The following DOCK3 variants were observed in gnomAD, a reference collection of about 807,000 sequenced individuals.
DOCK3 encodes the protein dedicator of cytokinesis 3, also known as dedicator of cytokinesis protein 3.
A neutral mutation model predicts 265.6 loss-of-function variants in DOCK3; 60 were observed. That is an observed-to-expected ratio of 0.23 (90% confidence interval 0.18 to 0.28). DOCK3 has a LOEUF of 0.28. DOCK3 is among the 10% of genes least tolerant of loss of function. The pLI is 1.00. For missense variants in DOCK3, 1,981 were observed against 2,594.3 expected (o/e 0.76, Z 5.14); for synonymous variants, 881 against 938.0 (o/e 0.94, Z 1.11).
At chr3:50,723,666 C>G (rs1233355475) in intron 1 of DOCK3, among the ~76,000 whole-genome samples, 2 of 152,174 alleles carry the variant, frequency 1.3e-5, no homozygotes, top group African/African-American at 4.8e-5. Context: ...GAAACTGGAT[C>G]CCTTCCTTAC....
intron 10 of DOCK3, among the ~76,000 whole-genome samples, chr3:51,146,971 G>A (rs2085327656): frequency 6.6e-6 from 1 of 152,084 alleles, no homozygotes; most frequent in Admixed American, 6.6e-5. Context: ...AAAATTAGCT[G>A]GGCATGTGGC....
Position 51,376,321 on chromosome 3 carries a change from G to A in DOCK3, c.5500+486G>A, listed in dbSNP as rs553471121. ...CAGGCTTCTCCAAGTGAAGCCCAGG[G>A]TGCCCCAAAGGAGTCCGGTCCTTCT... On this transcript the variant is annotated intron_variant, in intron 51 of 52. Transcript: ENST00000266037. Among the ~76,000 whole-genome samples, 17 of 152,226 alleles carry A rather than the reference G, an allele frequency of 1.1e-4. No individual in the cohort carries two copies. The South Asian group carries it at 2.5e-3, about 22-fold the overall frequency.
At chr3:51,171,872 A>G (rs2086698453) in intron 12 of DOCK3, among the ~76,000 whole-genome samples, 1 of 152,034 alleles carries the variant, frequency 6.6e-6, no homozygotes, top group African/African-American at 2.4e-5. Flanking sequence ...CAAGTCTGCT[A>G]TTTCATTATT....
In DOCK3 at chr3:50,690,892, C is replaced by T. The variant is rs545824562; in HGVS notation, c.37+15592C>T. Reference sequence around the variant, plus strand: ...TCCTGACTTCGTGATCCACCCACCTCGGCTTCCCAAAGTGCTGGGATTACA... The same window carrying T: ...TCCTGACTTCGTGATCCACCCACCTTGGCTTCCCAAAGTGCTGGGATTACA... On this transcript the variant is annotated intron_variant, in intron 1 of 52. Transcript: ENST00000266037. Among the ~76,000 whole-genome samples the T allele has an allele frequency of 2.8e-3, 420 of 151,978 alleles. 3 individuals carry two copies. The highest frequency in any genetic ancestry group is 4.8e-3 in the Non-Finnish European group (324 of 67,954).
intron 3 of DOCK3, among the ~76,000 whole-genome samples, chr3:50,868,111 G>C (rs2047232268): frequency 6.7e-6 from 1 of 149,368 alleles, no homozygotes; most frequent in South Asian, 2.1e-4. Flanking sequence ...GTCTCACTCT[G>C]TCGCCAGACT....
intron 5 of DOCK3, among the ~76,000 whole-genome samples, chr3:51,047,477 A>G (rs2109083379): frequency 6.6e-6 from 1 of 151,964 alleles, no homozygotes; most frequent in East Asian, 1.9e-4. Context: ...AAAATCAAAA[A>G]GATGGTTTTT....
rs559084122 is a variant in DOCK3, at chr3:51,375,516, T to C, written c.5413-232T>C. On this transcript the variant is annotated intron_variant, in intron 50 of 52. Transcript: ENST00000266037. The stretch of plus-strand genomic sequence containing the variant: ...AGACAGCTGGGTCCTAGCCAGATAC[T>C]GGAGGATGGTATTGCAAATATTGTG... Among the ~76,000 whole-genome samples the C allele has an allele frequency of 7.2e-5, 11 of 152,280 alleles. No individual in the cohort carries two copies. In the South Asian group the frequency reaches 2.3e-3, roughly 32 times the overall value.
intron 5 of DOCK3, among the ~76,000 whole-genome samples, chr3:51,061,702 T>TA (rs1392718370): frequency 2.0e-5 from 3 of 151,702 alleles, no homozygotes; most frequent in Non-Finnish European, 4.4e-5. Context: ...CCCTAAAACT[T>TA]AAAGTATAAT....
chr3:51,145,040 TC>T (rs959340352), intron 9 of DOCK3, among the ~76,000 whole-genome samples: 1 of 152,186 alleles, frequency 6.6e-6, no homozygotes, highest in African/African-American at 2.4e-5. Flanking sequence ...AAACACTGTT[TC>T]TAAGGTTTTC....
intron 4 of DOCK3, among the ~76,000 whole-genome samples, chr3:50,914,241 TG>T (rs2050005675): frequency 6.6e-6 from 1 of 152,022 alleles, no homozygotes; most frequent in Admixed American, 6.6e-5. Flanking sequence ...AGGTTTGGTT[TG>T]TTCTTGCTCA....
At chr3:51,221,861 T>G (rs935541011) in intron 14 of DOCK3, among the ~76,000 whole-genome samples, 6 of 152,176 alleles carry the variant, frequency 3.9e-5, no homozygotes, top group African/African-American at 1.4e-4. Context: ...CTCCTACTTC[T>G]TGTAGAAAAG....
intron 3 of DOCK3, among the ~76,000 whole-genome samples, chr3:50,848,480 A>G (rs570129157): frequency 6.6e-6 from 1 of 152,282 alleles, no homozygotes; most frequent in Admixed American, 6.5e-5. Context: ...GTAAGCCTGG[A>G]CTAGTGGTAA....
intron 2 of DOCK3, among the ~76,000 whole-genome samples, chr3:50,836,050 T>C (rs1021356680): frequency 1.3e-5 from 2 of 152,202 alleles, no homozygotes; most frequent in African/African-American, 4.8e-5. Context: ...AATTCTCTCA[T>C]AATGTGAATT....
chr3:51,380,637 T>A (rs1307965541), intron 52 of DOCK3, among the ~76,000 whole-genome samples: 1 of 152,238 alleles, frequency 6.6e-6, no homozygotes, highest in Non-Finnish European at 1.5e-5. Context: ...CCTGTTAGCT[T>A]GTCTGCAAAT....
At chr3:50,849,340 A>T (rs2046245544) in intron 3 of DOCK3, among the ~76,000 whole-genome samples, 1 of 151,006 alleles carries the variant, frequency 6.6e-6, no homozygotes, top group African/African-American at 2.4e-5. Flanking sequence ...TGGCAAAAAA[A>T]TATACATATA....
At chr3:51,246,263 T>C (rs1309871730) in intron 21 of DOCK3, among the ~76,000 whole-genome samples, 2 of 150,988 alleles carry the variant, frequency 1.3e-5, no homozygotes, top group Admixed American at 1.3e-4. Context: ...GATGAGATAT[T>C]GTTCTGTTGC....
Position 50,928,128 on chromosome 3 carries a change from GATATATAT to G in DOCK3, c.219-5833_219-5826del, listed in dbSNP as rs35440218. Among the ~76,000 whole-genome samples, 553 of 142,880 alleles carry G rather than the reference GATATATAT, an allele frequency of 3.9e-3. 5 individuals are homozygous for G. The highest frequency in any genetic ancestry group is 0.013 in the African/African-American group (525 of 39,410). The allele number at this position is 142,880 out of a possible 152,430, so 93.7% of individuals were successfully genotyped here. A position where few individuals can be genotyped will look rare whatever the true frequency, so the allele number is the denominator to read the frequency against. On this transcript the variant is annotated intron_variant, in intron 4 of 52. Transcript: ENST00000266037. ...TATTTTTGTGTGATTTTATTGTGAT[GATATATAT>G]ATATATATATATATATATAATAAAG...
At chr3:51,241,435 T>A (rs1349551142) in intron 21 of DOCK3, among the ~76,000 whole-genome samples, 3 of 152,198 alleles carry the variant, frequency 2.0e-5, no homozygotes, top group Non-Finnish European at 1.5e-5. Flanking sequence ...TTACTGGGGT[T>A]CTCCGCATTT....
intron 23 of DOCK3, among the ~76,000 whole-genome samples, chr3:51,262,947 G>T (rs2079941132): frequency 6.6e-6 from 1 of 152,198 alleles, no homozygotes; most frequent in Non-Finnish European, 1.5e-5. Flanking sequence ...TGTTTGATTG[G>T]TGTACCTGAA....
Sources: gnomAD v4.1 joint callset for allele counts (sites outside exome capture counted in the v4.1 genomes callset) on GRCh38, gnomAD v4.1.1 for gene constraint, MANE v1.5 for transcripts, NCBI Gene and HGNC (gene_info 2026-07-23, HGNC 2026-07-21) for gene names.